Variants in SYCP1 observed in about 807,000 individuals in gnomAD.
SYCP1 encodes cancer/testis antigen 8.
Under a neutral mutation model 153.1 loss-of-function variants are expected in SYCP1, and 64 were observed. The ratio of observed to expected loss-of-function variants is 0.42; its 90% CI spans 0.34 to 0.51. SYCP1 has a LOEUF of 0.51. Among genes scored for constraint, SYCP1 ranks in the 20% least tolerant of loss-of-function variants. The pLI is 0.06. For missense variants in SYCP1, 997 were observed against 1,049.0 expected (o/e 0.95, Z 0.68); for synonymous variants, 384 against 341.8 (o/e 1.12, Z -1.36).
intron 23 of SYCP1, among the ~76,000 whole-genome samples, chr1:114,930,885 A>T (rs973185650): frequency 2.6e-5 from 4 of 152,028 alleles, no homozygotes; most frequent in African/African-American, 9.6e-5. Flanking sequence ...TAGTAAATCT[A>T]ATCTAGATTT....
At chr1:114,905,355 G>A (rs1667743594) in intron 16 of SYCP1, among the ~76,000 whole-genome samples, 2 of 152,126 alleles carry the variant, frequency 1.3e-5, no homozygotes, top group South Asian at 2.1e-4. Flanking sequence ...CTCAAGTAGT[G>A]GTAAGACAAG....
chr1:114,966,937 G>A (rs1204685816), intron 27 of SYCP1, among the ~76,000 whole-genome samples: 6 of 151,960 alleles, frequency 3.9e-5, no homozygotes, highest in Admixed American at 1.3e-4. Context: ...GGCCTTCCTC[G>A]GCCTCCCAAA....
At chr1:114,858,764 C>G in intron 6 of SYCP1, 53 bp downstream of exon 6, 1 of 1,428,060 alleles carries the variant, frequency 7.0e-7, no homozygotes, top group Non-Finnish European at 9.6e-7. Flanking sequence ...AATCATAATA[C>G]TGTTGAAAGT....
At chr1:114,896,938 G>C (rs1037744853) in intron 16 of SYCP1, among the ~76,000 whole-genome samples, 1 of 152,172 alleles carries the variant, frequency 6.6e-6, no homozygotes, top group Non-Finnish European at 1.5e-5. Context: ...AAGTGAGAGT[G>C]CTGCTAGCAA....
chr1:114,993,562 C>A (rs1674068923), intron 30 of SYCP1, among the ~76,000 whole-genome samples: 1 of 151,266 alleles, frequency 6.6e-6, no homozygotes, highest in African/African-American at 2.4e-5. Flanking sequence ...GGTATACCTA[C>A]TTTATAAAAT....
chr1:114,880,982 T>G lies in SYCP1; in HGVS notation c.910+2780T>G, dbSNP rs544885936. Among the ~76,000 whole-genome samples the G allele has an allele frequency of 5.9e-5, 9 of 151,658 alleles. No individual in the cohort carries two copies. In the South Asian group the frequency reaches 1.9e-3, roughly 32 times the overall value. ...TTAAAGAGTATTAATTATCAAAAAT[T>G]TAAGTAGATAACAATTAGATTTTAC... On this transcript the variant is annotated intron_variant, in intron 12 of 31. Transcript: ENST00000369522.
chr1:114,879,455 A>G (rs1376367994), intron 12 of SYCP1, among the ~76,000 whole-genome samples: 1 of 152,130 alleles, frequency 6.6e-6, no homozygotes, highest in African/African-American at 2.4e-5. Context: ...GCTTTTGGCT[A>G]CTTCCTGTAC....
At chr1:114,889,741 C>T (rs1035784155) in intron 15 of SYCP1, among the ~76,000 whole-genome samples, 8 of 152,070 alleles carry the variant, frequency 5.3e-5, no homozygotes, top group African/African-American at 1.7e-4. Flanking sequence ...CTTCTGTTGC[C>T]GTTGCTTTTG....
Position 114,923,435 on chromosome 1 carries a change from C to G in SYCP1, c.1719-14C>G. 2 of 1,558,382 alleles carry G rather than the reference C, an allele frequency of 1.3e-6. No homozygotes were observed. The highest frequency in any genetic ancestry group is 1.7e-6 in the Non-Finnish European group (2 of 1,147,864). On this transcript the variant is annotated splice_polypyrimidine_tract_variant and intron_variant, in intron 20 of 31. Coordinates refer to ENST00000369522, the MANE Select transcript of SYCP1 (RefSeq NM_003176.4). The stretch of plus-strand genomic sequence containing the variant: ...TAATTTTTAGTATAATGTCACTCTT[C>G]CATTTTCTTTTAGAAATGAACTAGA...
At chr1:114,892,381 G>A (rs532234017) in intron 15 of SYCP1, among the ~76,000 whole-genome samples, 1 of 152,186 alleles carries the variant, frequency 6.6e-6, no homozygotes, top group African/African-American at 2.4e-5. Context: ...GTTGTAGGTG[G>A]CAGCAGCTAT....
intron 23 of SYCP1, among the ~76,000 whole-genome samples, chr1:114,942,222 T>C (rs982756616): frequency 6.6e-6 from 1 of 151,930 alleles, no homozygotes; most frequent in African/African-American, 2.4e-5. Flanking sequence ...ACAATAGAAG[T>C]CAGAAAACAG....
At chr1:114,953,890 T>C (rs373762787) in intron 27 of SYCP1, among the ~76,000 whole-genome samples, 8 of 152,178 alleles carry the variant, frequency 5.3e-5, no homozygotes, top group African/African-American at 1.9e-4. Flanking sequence ...TTGACATCTT[T>C]ACTTTGTTGA....
chr1:114,884,021 G>T (rs1387560024), intron 12 of SYCP1, among the ~76,000 whole-genome samples: 2 of 152,106 alleles, frequency 1.3e-5, no homozygotes, highest in Admixed American at 1.3e-4. Flanking sequence ...TTTCCCCACA[G>T]TCGGACCAAT....
intron 20 of SYCP1, among the ~76,000 whole-genome samples, chr1:114,921,788 A>G (rs1365861901): frequency 6.6e-6 from 1 of 152,110 alleles, no homozygotes; most frequent in East Asian, 1.9e-4. Context: ...TTTCTTTCAG[A>G]TGGAAGAACT....
intron 16 of SYCP1, among the ~76,000 whole-genome samples, chr1:114,897,710 G>A (rs1667164469): frequency 6.6e-6 from 1 of 152,186 alleles, no homozygotes; most frequent in Admixed American, 6.5e-5. Context: ...AGTTCAGGAT[G>A]CATTTGAAAG....
chr1:114,956,702 T>C (rs987082972), intron 27 of SYCP1, among the ~76,000 whole-genome samples: 4 of 152,200 alleles, frequency 2.6e-5, no homozygotes, highest in African/African-American at 9.7e-5. Context: ...CCCAGGCTTA[T>C]CTGGGCTGGA....
chr1:114,978,409 AT>A (rs947073122), intron 28 of SYCP1, among the ~76,000 whole-genome samples: 24 of 151,516 alleles, frequency 1.6e-4, no homozygotes, highest in African/African-American at 5.6e-4. Flanking sequence ...ACATTAAGTA[AT>A]TTTTTCTCCC....
chr1:114,913,146 T>C lies in SYCP1; in HGVS notation c.1643T>C (p.Ile548Thr), dbSNP rs1163264361. The C allele has an allele frequency of 6.2e-7, 1 of 1,607,890 alleles. No homozygotes were observed. Among genetic ancestry groups the C allele is most frequent in the East Asian group, 2.2e-5 (1 of 44,720 alleles). ...TLELKNQQED[I>T]NNNKKQEERM... ...GAACTCAAGAATCAGCAAGAAGATA[T>C]TAATGTGAGTTGAAAAAGAAAGTGC... is the stretch of plus-strand genomic sequence containing the variant. The change falls in exon 19 of 32, where the codon ATT becomes ACT. Residue 548 changes from isoleucine (I) to threonine (T), a missense_variant. This residue lies in a region of SYCP1 where 712 missense variants were observed against 682.9 expected (regional missense o/e 1.04). Coordinates refer to ENST00000369522, the MANE Select transcript of SYCP1 (RefSeq NM_003176.4).
In SYCP1 at chr1:114,858,727, G is replaced by T. The variant is rs768798013; in HGVS notation, c.456+16G>T. ...GGAACTGCAAGTATGACACAATTTT[G>T]CATTGTAAACATAGTATAGTAAATC... On this transcript the variant is annotated intron_variant, in intron 6 of 31. Transcript: ENST00000369522. 2 of 1,597,492 alleles carry T rather than the reference G, an allele frequency of 1.3e-6. No individual in the cohort carries two copies. The highest frequency in any genetic ancestry group is 1.1e-5 in the South Asian group (1 of 89,020).
Sources: allele counts gnomAD v4.1 joint callset (sites outside exome capture counted in the v4.1 genomes callset), GRCh38; gene constraint gnomAD v4.1.1; regional missense constraint gnomAD v4.1.1; transcripts MANE v1.5; gene names NCBI Gene and HGNC (gene_info 2026-07-23, HGNC 2026-07-21).